RANBP17: variants seen among roughly 807,000 people sequenced by gnomAD.
The protein encoded by RANBP17 is ran-binding protein 17.
A neutral mutation model predicts 141.2 loss-of-function variants in RANBP17; 158 were observed. The ratio of observed to expected loss-of-function variants is 1.12; its 90% CI spans 0.98 to 1.28. RANBP17 has a LOEUF of 1.28. Ranked by LOEUF, RANBP17 falls within the 50% of genes most tolerant of loss-of-function variation. The probability of loss-of-function intolerance (pLI) is 0.00; values close to 1 mark genes in which losing one functional copy is unlikely to be tolerated. For missense variants in RANBP17, 1,438 were observed against 1,290.7 expected, an observed-to-expected ratio of 1.11 and a Z score of -1.75; for synonymous variants, 430 against 450.0, an observed-to-expected ratio of 0.96 and a Z score of 0.56.
At chr5:171,174,471 C>G (rs1487477865) in intron 16 of RANBP17, among the ~76,000 whole-genome samples, 2 of 152,102 alleles carry the variant, frequency 1.3e-5, no homozygotes, top group African/African-American at 4.8e-5. Flanking sequence ...TCATACAGAG[C>G]AATCAAGTAA....
chr5:171,278,299 A>C (rs1767657001), intron 25 of RANBP17, among the ~76,000 whole-genome samples: 1 of 152,076 alleles, frequency 6.6e-6, no homozygotes, highest in Non-Finnish European at 1.5e-5. Flanking sequence ...CGGGTGGATC[A>C]TGAGGTCAGG....
At chr5:170,946,772 A>G (rs576450871) in intron 12 of RANBP17, among the ~76,000 whole-genome samples, 1 of 152,330 alleles carries the variant, frequency 6.6e-6, no homozygotes, top group Middle Eastern at 3.4e-3. Context: ...AAGACACATA[A>G]CAAGCTTTTT....
At chr5:171,002,925 CTG>C (rs1336355300) in intron 14 of RANBP17, among the ~76,000 whole-genome samples, 2 of 152,074 alleles carry the variant, frequency 1.3e-5, no homozygotes, top group Admixed American at 6.5e-5. Flanking sequence ...ACAATGGTAA[CTG>C]TGGGAGACTC....
chr5:170,936,078 A>G (rs955893625), intron 12 of RANBP17, among the ~76,000 whole-genome samples: 3 of 152,148 alleles, frequency 2.0e-5, no homozygotes, highest in South Asian at 2.1e-4. Context: ...CTCCGTGGGC[A>G]TGGGACCCTC....
chr5:171,143,232 C>G (rs191998883), intron 14 of RANBP17: 1 of 152,142 alleles, frequency 6.6e-6, no homozygotes, highest in Non-Finnish European at 1.5e-5. Flanking sequence ...GAATTTTCCA[C>G]TTAATAATTC....
chr5:171,092,770 T>C (rs1203594823), intron 14 of RANBP17, among the ~76,000 whole-genome samples: 1 of 152,218 alleles, frequency 6.6e-6, no homozygotes, highest in Non-Finnish European at 1.5e-5. Flanking sequence ...ACAGTTGTTA[T>C]TCACCCCATA....
chr5:171,178,298 C>G (rs538372640), intron 16 of RANBP17, among the ~76,000 whole-genome samples: 1 of 151,370 alleles, frequency 6.6e-6, no homozygotes, highest in African/African-American at 2.4e-5. Flanking sequence ...TGTGTTAGTT[C>G]GCAGAGAATG....
chr5:171,213,415 G>A (rs1245790804), intron 20 of RANBP17, among the ~76,000 whole-genome samples: 5 of 152,028 alleles, frequency 3.3e-5, no homozygotes, highest in African/African-American at 1.2e-4. Context: ...TTACAAATAA[G>A]AACAAATTGC....
intron 14 of RANBP17, among the ~76,000 whole-genome samples, chr5:171,092,242 A>G (rs371560678): frequency 3.2e-4 from 49 of 152,322 alleles, no homozygotes; most frequent in South Asian, 2.5e-3. Flanking sequence ...TCTAATTCTT[A>G]TGGTTACCAT....
chr5:170,951,974 T>C (rs1000620968), intron 12 of RANBP17, among the ~76,000 whole-genome samples: 2 of 152,060 alleles, frequency 1.3e-5, no homozygotes, highest in Non-Finnish European at 1.5e-5. Flanking sequence ...TTGTTGATGA[T>C]GTAAGATGTA....
chr5:171,270,738 C>CT (rs1240199079), intron 25 of RANBP17, among the ~76,000 whole-genome samples: 1 of 151,938 alleles, frequency 6.6e-6, no homozygotes, highest in Non-Finnish European at 1.5e-5. Flanking sequence ...TGAGTAATTC[C>CT]TTATAAGATT....
At chr5:171,015,388 T>G (rs1780356614) in intron 14 of RANBP17, among the ~76,000 whole-genome samples, 1 of 152,172 alleles carries the variant, frequency 6.6e-6, no homozygotes, top group Non-Finnish European at 1.5e-5. Flanking sequence ...ATAAGTTTAC[T>G]AATACCTTCC....
chr5:170,915,564 G>A (rs190484393), intron 8 of RANBP17, among the ~76,000 whole-genome samples: 20 of 151,934 alleles, frequency 1.3e-4, no homozygotes, highest in African/African-American at 4.6e-4. Context: ...CTCATGGTAG[G>A]GGCTGTGGCA....
intron 16 of RANBP17, among the ~76,000 whole-genome samples, chr5:171,171,833 C>T (rs1445798): frequency 0.024 from 3,689 of 151,984 alleles, 148 homozygotes; most frequent in African/African-American, 0.083. Flanking sequence ...ACCAAATCAA[C>T]ATCTAATCTA....
At chr5:170,979,297 TTCTC>T (rs901161166) in intron 14 of RANBP17, among the ~76,000 whole-genome samples, 10 of 152,216 alleles carry the variant, frequency 6.6e-5, no homozygotes, top group African/African-American at 2.4e-4. Flanking sequence ...TTTTATGCCT[TTCTC>T]TATATTTGAA....
intron 14 of RANBP17, among the ~76,000 whole-genome samples, chr5:171,127,940 C>G (rs567899941): frequency 1.6e-4 from 25 of 152,314 alleles, no homozygotes; most frequent in Admixed American, 3.9e-4. Flanking sequence ...GCGGGCAGAT[C>G]ATGAGCAGGA....
intron 7 of RANBP17, among the ~76,000 whole-genome samples, chr5:170,912,588 C>T (rs1364955650): frequency 6.6e-6 from 1 of 151,704 alleles, no homozygotes; most frequent in Non-Finnish European, 1.5e-5. Flanking sequence ...AGAGAATGTT[C>T]CAAATTTACA....
At chr5:171,123,095 G>A (rs1057091906) in intron 14 of RANBP17, among the ~76,000 whole-genome samples, 47 of 152,280 alleles carry the variant, frequency 3.1e-4, no homozygotes, top group African/African-American at 1.1e-3. Flanking sequence ...CTGCCTCCCT[G>A]GTGTTGCTGC....
At position 171,159,299 on chromosome 5, in the gene RANBP17, A is replaced by T. The variant is rs1049018038; in HGVS notation, c.1711-10831A>T. ...TGTTGACTGATAATGCCAATATCAT[A>T]AGTTTCATCTCCATACTAGCTGTTT... On this transcript the variant is annotated intron_variant, in intron 14 of 27. Transcript: ENST00000523189. 6.6e-5 allele frequency among the ~76,000 whole-genome samples: 10 copies of T among 152,290 alleles called. No individual in the cohort carries two copies. The South Asian group carries it at 1.4e-3, about 22-fold the overall frequency.
Sources: allele counts gnomAD v4.1 joint callset (sites outside exome capture counted in the v4.1 genomes callset), GRCh38; gene constraint gnomAD v4.1.1; transcripts MANE v1.5; gene names NCBI Gene and HGNC (gene_info 2026-07-23, HGNC 2026-07-21).